AHCY: variants seen among roughly 807,000 people sequenced by gnomAD.
The protein encoded by AHCY is adenosylhomocysteinase.
In AHCY, 24 loss-of-function variants were observed where a neutral mutation model predicts 45.4. The ratio of observed to expected loss-of-function variants is 0.53; its 90% CI spans 0.38 to 0.74. AHCY has a LOEUF of 0.74. Ranked by LOEUF, AHCY falls within the 30% of genes least tolerant of loss-of-function variation. The pLI, the probability that AHCY is intolerant of heterozygous loss-of-function variation, is 0.00. For missense variants in AHCY, 449 were observed against 594.1 expected (o/e 0.76, Z 2.54); for synonymous variants, 245 against 235.1 (o/e 1.04, Z -0.39).
chr20:34,306,442 A>G (rs142381805), upstream of AHCY, among the ~76,000 whole-genome samples: 397 of 148,386 alleles, frequency 2.7e-3, 2 homozygotes, highest in East Asian at 3.6e-3. Context: ...ATCTCGGCTC[A>G]CTGCAACCTC....
chr20:34,269,648 GGAAA>G, the AHCY span, among the ~76,000 whole-genome samples: 20 of 151,640 alleles, frequency 1.3e-4, no homozygotes, highest in East Asian at 5.8e-4. Flanking sequence ...AAAAAAAAAC[GGAAA>G]GAAAGAAAGA....
At chr20:34,255,028 C>G in the AHCY span, among the ~76,000 whole-genome samples, 7 of 152,122 alleles carry the variant, frequency 4.6e-5, no homozygotes, top group Non-Finnish European at 8.8e-5. Context: ...GGGGATTTGA[C>G]CTGGTGAGAT....
At chr20:34,269,885 A>C in the AHCY span, among the ~76,000 whole-genome samples, 1 of 136,936 alleles carries the variant, frequency 7.3e-6, no homozygotes, top group Non-Finnish European at 1.5e-5. Context: ...CGGAGGTTGC[A>C]GTGAGCTGAG....
At chr20:34,295,325 C>T (rs1411437983) in intron 2 of AHCY, 70 bp downstream of exon 2, 1 of 1,585,792 alleles carries the variant, frequency 6.3e-7, no homozygotes, top group African/African-American at 1.3e-5. Flanking sequence ...CACCCTGGCA[C>T]AGTCGTCTTC....
intron 1 of AHCY, among the ~76,000 whole-genome samples, chr20:34,310,136 C>T (rs1477808650): frequency 1.3e-5 from 2 of 152,104 alleles, no homozygotes; most frequent in African/African-American, 2.4e-5. Context: ...TCACTGCAAC[C>T]TCCACCTCCC....
intron 3 of AHCY, chr20:34,293,795 T>TC (rs2036481400): frequency 2.0e-6 from 1 of 488,756 alleles, no homozygotes; most frequent in Non-Finnish European, 3.7e-6. Flanking sequence ...TCCACATCCT[T>TC]CCTTTAATGA....
At chr20:34,311,122 A>T (rs1174346078) in intron 1 of AHCY, among the ~76,000 whole-genome samples, 1 of 152,226 alleles carries the variant, frequency 6.6e-6, no homozygotes. Flanking sequence ...TCTGTCTAAA[A>T]AACAAACAAA....
chr20:34,290,334 G>A lies in AHCY; in HGVS notation c.970C>T (p.Gln324Ter). Reference sequence around the variant, plus strand: ...CTGGCAAGGCGGGAGCTTCTCACCTGCGGCTTGATGTTCACCTTCTCCACG... The same window carrying A: ...CTGGCAAGGCGGGAGCTTCTCACCTACGGCTTGATGTTCACCTTCTCCACG... The part of the protein sequence containing the change: ...NAVEKVNIKP[Q>*]VDRYRLKNGR... Residue 324 changes from glutamine to a stop codon, truncating the protein, a stop_gained and splice_region_variant, in exon 8 of 10, where the codon CAG (glutamine) becomes TAG (stop). Transcript: ENST00000217426. LOFTEE classifies it high-confidence loss of function. The surrounding 1 kb of genome is among the most constrained non-coding windows in gnomAD (Gnocchi z 4.5). 1.2e-6 allele frequency: 2 copies of A among 1,613,914 alleles called. No individual in the cohort carries two copies. The highest frequency in any genetic ancestry group is 1.7e-6 in the Non-Finnish European group (2 of 1,180,004).
At chr20:34,302,743 G>T (rs2036820216) in intron 1 of AHCY, 2 of 990,350 alleles carry the variant, frequency 2.0e-6, no homozygotes, top group Non-Finnish European at 2.4e-6. Flanking sequence ...AGTCCCAGGG[G>T]AGAGGAGGAT....
chr20:34,260,358 C>A, the AHCY span: 1 of 1,610,958 alleles, frequency 6.2e-7, no homozygotes, highest in Non-Finnish European at 8.5e-7. Flanking sequence ...TTCTCTGTCC[C>A]ACTCAGGCCT....
chr20:34,267,273 G>A, the AHCY span, among the ~76,000 whole-genome samples: 36 of 151,902 alleles, frequency 2.4e-4, 1 homozygote, highest in Middle Eastern at 3.4e-3. Context: ...ATTACAGCAC[G>A]GTAATGAGAC....
chr20:34,286,943 C>T (rs2036208489), intron 8 of AHCY, among the ~76,000 whole-genome samples: 1 of 151,886 alleles, frequency 6.6e-6, no homozygotes, highest in African/African-American at 2.4e-5. Flanking sequence ...TGAGAACTCC[C>T]GGTTTAGTGA....
chr20:34,234,111 G>A, the AHCY span, among the ~76,000 whole-genome samples: 3 of 152,212 alleles, frequency 2.0e-5, no homozygotes, highest in Admixed American at 2.0e-4. Flanking sequence ...AGTGGCAACT[G>A]TGGCCATCTG....
the AHCY span, among the ~76,000 whole-genome samples, chr20:34,243,791 G>T: frequency 6.6e-6 from 1 of 150,956 alleles, no homozygotes; most frequent in Non-Finnish European, 1.5e-5. Flanking sequence ...CTCGCCGGGC[G>T]CGGTGGCTCA....
At chr20:34,271,356 G>A in the AHCY span, among the ~76,000 whole-genome samples, 1 of 152,178 alleles carries the variant, frequency 6.6e-6, no homozygotes, top group Non-Finnish European at 1.5e-5. Context: ...TTGTGACTCA[G>A]AGTTATGGTT....
chr20:34,239,108 T>C, the AHCY span, among the ~76,000 whole-genome samples: 1 of 152,206 alleles, frequency 6.6e-6, no homozygotes, highest in Non-Finnish European at 1.5e-5. Flanking sequence ...AGAAACTTGA[T>C]ATCTTTTCTG....
At chr20:34,235,790 A>AAAG in the AHCY span, among the ~76,000 whole-genome samples, 3 of 36,824 alleles carry the variant, frequency 8.1e-5, no homozygotes, top group African/African-American at 4.7e-4. Context: ...GAGAAAGAAG[A>AAAG]AAGAAAGAAA....
chr20:34,241,038 C>A, the AHCY span, among the ~76,000 whole-genome samples: 2 of 152,158 alleles, frequency 1.3e-5, no homozygotes, highest in Non-Finnish European at 2.9e-5. Flanking sequence ...CTGCTATCCA[C>A]GGACAGGAAA....
rs73263381 is a variant in AHCY at position 34,302,554 on chromosome 20, G to A, written c.28+689C>T. The A allele has an allele frequency of 1.4e-3, 1,257 of 930,472 alleles. 18 individuals carry two copies. The African/African-American group carries it at 0.021, about 15-fold the overall frequency. The allele number at this position is 930,472 out of a possible 1,614,324, so 57.6% of individuals were successfully genotyped here. ...TATAGAGCCATGAGACTAGAATAAA[G>A]CTAGAAGGCAGTGCCGATCCCACAG... is the stretch of plus-strand genomic sequence containing the variant. On this transcript the variant is annotated intron_variant, in intron 1 of 9. Transcript: ENST00000217426.
Sources: allele counts gnomAD v4.1 joint callset (sites outside exome capture counted in the v4.1 genomes callset), GRCh38; gene constraint gnomAD v4.1.1; non-coding constraint Gnocchi (gnomAD v3.1); transcripts MANE v1.5; gene names NCBI Gene and HGNC (gene_info 2026-07-23, HGNC 2026-07-21).